The following ZFYVE1 variants were observed in gnomAD, a reference collection of about 807,000 sequenced individuals.
The protein encoded by ZFYVE1 is zinc finger FYVE-type containing 1.
ZFYVE1 carries 30 observed loss-of-function variants against 74.4 expected under a neutral mutation model. That is an observed-to-expected ratio of 0.40 (90% CI 0.30 to 0.55). The LOEUF is 0.55. Ranked by LOEUF, ZFYVE1 falls within the 20% of genes least tolerant of loss-of-function variation. The pLI, the probability that ZFYVE1 is intolerant of heterozygous loss-of-function variation, is 0.42. For synonymous variants in ZFYVE1, 335 were observed against 385.1 expected, an observed-to-expected ratio of 0.87 and a Z score of 1.52; for missense variants, 703 against 1,011.6, an observed-to-expected ratio of 0.69 and a Z score of 4.14.
intron 2 of ZFYVE1, among the ~76,000 whole-genome samples, chr14:73,008,412 C>T (rs574327549): frequency 4.6e-5 from 7 of 152,210 alleles, no homozygotes; most frequent in Non-Finnish European, 8.8e-5. Context: ...TCCGTCTCAG[C>T]CTCCCAAAGT....
At chr14:72,988,112 T>C (rs1893524752) in intron 4 of ZFYVE1, among the ~76,000 whole-genome samples, 1 of 152,130 alleles carries the variant, frequency 6.6e-6, no homozygotes, top group Non-Finnish European at 1.5e-5. Flanking sequence ...TTGACTTCCT[T>C]TGAATCCAAC....
In ZFYVE1 at chr14:72,969,684, A is replaced by G. The variant is rs1451642116; in HGVS notation, c.*1198T>C. The G allele has an allele frequency of 1.4e-6, 1 of 701,760 alleles. No individual in the cohort carries two copies. Among genetic ancestry groups the G allele is most frequent in the East Asian group, 2.7e-5 (1 of 37,264 alleles). 43.5% of individuals were successfully genotyped at this position (701,760 alleles called of 1,614,324 possible). A position where few individuals can be genotyped will look rare whatever the true frequency, so the allele number is the denominator to read the frequency against. On this transcript the variant is annotated 3_prime_UTR_variant, in exon 12 of 12. Coordinates refer to ENST00000556143, the MANE Select transcript of ZFYVE1 (RefSeq NM_021260.4). ...TTTAATTCGTGTTTGGCCACTGAAG[A>G]TCAAATCCACCATGATGATAGGATT...
intron 2 of ZFYVE1, among the ~76,000 whole-genome samples, chr14:73,003,665 G>A (rs552085195): frequency 1.8e-4 from 28 of 152,046 alleles, no homozygotes; most frequent in Admixed American, 1.6e-3. Flanking sequence ...GGCCGAGATC[G>A]TGCCACTGCA....
chr14:72,975,625 G>T lies in ZFYVE1; in HGVS notation c.1732C>A (p.Pro578Thr). The T allele has an allele frequency of 6.2e-7, 1 of 1,614,188 alleles. No individual in the cohort carries two copies. The highest frequency in any genetic ancestry group is 2.2e-5 in the East Asian group (1 of 44,874). Residue 578 changes from proline to threonine, a missense_variant, in exon 9 of 12, where the codon CCC becomes ACC. By Grantham distance (38) the Pro-to-Thr change is conservative (BLOSUM62 -1). Around this residue, in one of 2 missense-constraint regions of ZFYVE1, gnomAD observed 492 missense variants for 790.0 expected, o/e 0.62. Transcript: ENST00000556143. This position sits in a 1 kb window ranked among gnomAD's most constrained non-coding sequence, Gnocchi z 4.1. The stretch of plus-strand genomic sequence containing the variant: ...AGCCAGGAAGTCACAGCCTTGGTGG[G>T]TCCAAGGCTAAGCTCGGACACCGAC... ...AQSVSELSLG[P>T]TKAVTSWLTD... is the part of the protein sequence containing the mutation.
In ZFYVE1 at chr14:72,993,361, T is replaced by C; in HGVS notation, c.989-4A>G. On this transcript the variant is annotated splice_region_variant and splice_polypyrimidine_tract_variant and intron_variant, in intron 3 of 11. Transcript: ENST00000556143. Reference sequence around the variant, plus strand: ...TCTGGCACCTCTGAGGGATGATCTATACAAGCAGAAACACAGGCACATGGG... The same window carrying C: ...TCTGGCACCTCTGAGGGATGATCTACACAAGCAGAAACACAGGCACATGGG... The C allele has an allele frequency of 6.2e-7, 1 of 1,603,730 alleles. No individual in the cohort carries two copies. Among genetic ancestry groups the C allele is most frequent in the Non-Finnish European group, 8.5e-7 (1 of 1,176,210 alleles).
At chr14:72,998,573 CA>C (rs1012829958) in intron 2 of ZFYVE1, among the ~76,000 whole-genome samples, 2 of 151,200 alleles carry the variant, frequency 1.3e-5, no homozygotes, top group South Asian at 2.1e-4. Flanking sequence ...AAGAAAAAAA[CA>C]AAAAAAAGGA....
chr14:72,993,526 G>A (rs1421968076), intron 3 of ZFYVE1, among the ~76,000 whole-genome samples, 169 bp from the exon 4 acceptor site: 2 of 151,786 alleles, frequency 1.3e-5, no homozygotes, highest in African/African-American at 2.4e-5. Flanking sequence ...GTGAAACCCT[G>A]TCTCTACTAA....
intron 4 of ZFYVE1, among the ~76,000 whole-genome samples, chr14:72,982,680 AGTCCAGC>A (rs1893366042): frequency 6.6e-6 from 1 of 152,208 alleles, no homozygotes; most frequent in Admixed American, 6.5e-5. Flanking sequence ...TCTAACTTTC[AGTCCAGC>A]CCCAGTGTGA....
chr14:72,993,119 C>T, intron 4 of ZFYVE1, 24 bp downstream of exon 4: 2 of 1,568,338 alleles, frequency 1.3e-6, no homozygotes, highest in Non-Finnish European at 1.7e-6. Context: ...CAATGAGAAG[C>T]CCTTGGGGCA....
intron 3 of ZFYVE1, among the ~76,000 whole-genome samples, chr14:72,997,031 C>A (rs1893764423): frequency 6.6e-6 from 1 of 152,262 alleles, no homozygotes; most frequent in African/African-American, 2.4e-5. Flanking sequence ...AACTTACACA[C>A]ACACGTCCCA....
intron 3 of ZFYVE1, 35 bp from the exon 4 acceptor site, chr14:72,993,392 A>T: frequency 1.1e-5 from 16 of 1,462,994 alleles, no homozygotes; most frequent in East Asian, 2.3e-5. Flanking sequence ...ATGGGTAGTG[A>T]GTGACATTTA....
intron 4 of ZFYVE1, among the ~76,000 whole-genome samples, chr14:72,986,714 G>C (rs928954794): frequency 1.8e-4 from 28 of 152,060 alleles, no homozygotes; most frequent in Non-Finnish European, 1.5e-4. Flanking sequence ...ATTTTTAATA[G>C]AGACAGGGTT....
chr14:72,975,541 C>A lies in ZFYVE1; in HGVS notation c.1806+10G>T. 6.2e-7 allele frequency: 1 copy of A among 1,607,276 alleles called. No homozygotes were observed. The highest frequency in any genetic ancestry group is 8.5e-7 in the Non-Finnish European group (1 of 1,176,614). On this transcript the variant is annotated intron_variant, in intron 9 of 11. Coordinates refer to ENST00000556143, the MANE Select transcript of ZFYVE1 (RefSeq NM_021260.4). This position sits in a 1 kb window ranked among gnomAD's most constrained non-coding sequence, Gnocchi z 4.1. The stretch of plus-strand genomic sequence containing the variant: ...TGCCAGGAGTGGAGGGGCATCCTGG[C>A]ACACCATACCAGAATCTGGGAGTTG...
chr14:72,992,000 G>A (rs931953229), intron 4 of ZFYVE1, among the ~76,000 whole-genome samples: 1 of 151,400 alleles, frequency 6.6e-6, no homozygotes, highest in East Asian at 1.9e-4. Context: ...TCTGCCTCCC[G>A]GATTCAAGCA....
intron 11 of ZFYVE1, among the ~76,000 whole-genome samples, chr14:72,971,327 C>G (rs539877055): frequency 6.6e-6 from 1 of 152,290 alleles, no homozygotes; most frequent in East Asian, 1.9e-4. Context: ...TTTCCCTTTT[C>G]CTTTTTCACA....
intron 2 of ZFYVE1, among the ~76,000 whole-genome samples, chr14:73,005,844 T>TAA (rs1021486788): frequency 6.6e-6 from 1 of 152,126 alleles, no homozygotes; most frequent in Non-Finnish European, 1.5e-5. Context: ...AGCAATGTAG[T>TAA]AAGATCTAAA....
intron 4 of ZFYVE1, among the ~76,000 whole-genome samples, chr14:72,990,209 G>A (rs1161509211): frequency 6.6e-6 from 1 of 152,128 alleles, no homozygotes; most frequent in East Asian, 1.9e-4. Context: ...TGCAACAACT[G>A]CAAAATTCTC....
In ZFYVE1 at chr14:73,026,670, T is replaced by C. The variant is rs375114706; in HGVS notation, c.-435+256A>G. On this transcript the variant is annotated intron_variant, in intron 1 of 11. Transcript: ENST00000556143. Reference sequence around the variant, plus strand: ...TCCCCAGCCGGGGGTTCCTCACCCTTCCTTCCACCCGGACACCACCGCCAC... The same window carrying C: ...TCCCCAGCCGGGGGTTCCTCACCCTCCCTTCCACCCGGACACCACCGCCAC... 3.7e-4 allele frequency among the ~76,000 whole-genome samples: 56 copies of C among 150,010 alleles called. 1 individual carries two copies. The East Asian group carries it at 8.5e-3, about 23-fold the overall frequency.
At chr14:72,990,689 C>CTT (rs369030778) in intron 4 of ZFYVE1, among the ~76,000 whole-genome samples, 1,540 of 66,614 alleles carry the variant, frequency 0.023, 346 homozygotes, top group East Asian at 0.034. Context: ...CGCACCTGGC[C>CTT]TTTTTTTTTT....
Sources: allele counts gnomAD v4.1 joint callset (sites outside exome capture counted in the v4.1 genomes callset), GRCh38; gene constraint gnomAD v4.1.1; regional missense constraint gnomAD v4.1.1; non-coding constraint Gnocchi (gnomAD v3.1); transcripts MANE v1.5; gene names NCBI Gene and HGNC (gene_info 2026-07-23, HGNC 2026-07-21).